ADAMTS19: variants seen among roughly 807,000 people sequenced by gnomAD.
ADAMTS19 encodes the protein ADAM metallopeptidase with thrombospondin type 1 motif 19.
Under a neutral mutation model 153.3 loss-of-function variants are expected in ADAMTS19, and 93 were observed. That is an observed-to-expected ratio of 0.61 (90% CI 0.51 to 0.72). The LOEUF is 0.72. ADAMTS19 is among the 30% of genes least tolerant of loss of function. The pLI, the probability that ADAMTS19 is intolerant of heterozygous loss-of-function variation, is 0.00. For missense variants in ADAMTS19, 1,482 were observed against 1,552.1 expected, an observed-to-expected ratio of 0.95 and a Z score of 0.76; for synonymous variants, 600 against 556.6, an observed-to-expected ratio of 1.08 and a Z score of -1.10.
chr5:129,716,956 G>C (rs967875637), intron 21 of ADAMTS19, among the ~76,000 whole-genome samples: 1 of 152,142 alleles, frequency 6.6e-6, no homozygotes, highest in Non-Finnish European at 1.5e-5. Flanking sequence ...TTTCCACTAA[G>C]CTCACGCCTG....
At chr5:129,493,423 T>C (rs2126695034) in intron 2 of ADAMTS19, among the ~76,000 whole-genome samples, 1 of 118,476 alleles carries the variant, frequency 8.4e-6, no homozygotes, top group African/African-American at 4.1e-5. Flanking sequence ...ATCATATGTA[T>C]ACCAAATGTT....
chr5:129,666,563 A>G (rs2127085208), intron 16 of ADAMTS19, among the ~76,000 whole-genome samples: 1 of 152,248 alleles, frequency 6.6e-6, no homozygotes, highest in South Asian at 2.1e-4. Context: ...CTCAGATTGA[A>G]TTTTTTTCAA....
intron 7 of ADAMTS19, among the ~76,000 whole-genome samples, chr5:129,568,887 A>C (rs972738096): frequency 6.6e-6 from 1 of 152,046 alleles, no homozygotes; most frequent in African/African-American, 2.4e-5. Context: ...AATAGAAGTC[A>C]GGAAAGGATA....
At chr5:129,650,488 G>A (rs1753269318) in intron 13 of ADAMTS19, among the ~76,000 whole-genome samples, 1 of 152,018 alleles carries the variant, frequency 6.6e-6, no homozygotes. Flanking sequence ...TAGTGGTGGT[G>A]GGGGGAAATA....
chr5:129,461,269 C>A lies in ADAMTS19; in HGVS notation c.259C>A (p.Arg87Ser). Reference protein sequence around the residue: ...SARAQAAGSSREVRSVAPVPL... With the variant: ...SARAQAAGSSSEVRSVAPVPL... ...CCGGGCGCAGGCTGCCGGCAGCTCA[C>A]GCGAGGTGCGCTCTGTGGCTCCGGT... The change falls in exon 2 of 23, where the codon CGC (arginine) becomes AGC (serine). Residue 87 changes from arginine (R) to serine (S), a missense_variant. This residue lies in a region of ADAMTS19 where 866 missense variants were observed against 827.7 expected (regional missense o/e 1.05). Coordinates refer to ENST00000274487, the MANE Select transcript of ADAMTS19 (RefSeq NM_133638.6). The surrounding 1 kb of genome is among the most constrained non-coding windows in gnomAD (Gnocchi z 4.6). The A allele has an allele frequency of 7.9e-7, 1 of 1,273,264 alleles. No homozygotes were observed. The allele number at this position is 1,273,264 out of a possible 1,614,324, so 78.9% of individuals were successfully genotyped here.
rs547115578 is a variant in ADAMTS19, at chr5:129,712,510, A to G, written c.3312+8119A>G. On this transcript the variant is annotated intron_variant, in intron 21 of 22. Coordinates refer to ENST00000274487, the MANE Select transcript of ADAMTS19 (RefSeq NM_133638.6). ...GCTACTCACCATTATATCTGGAGAAACCATGCAAAATTTCCTAAACAATGA... is the reference window on the plus strand; with the variant it reads ...GCTACTCACCATTATATCTGGAGAAGCCATGCAAAATTTCCTAAACAATGA... Among the ~76,000 whole-genome samples, 4 of 152,286 alleles carry G rather than the reference A, an allele frequency of 2.6e-5. No homozygotes were observed. In the South Asian group the frequency reaches 8.3e-4, roughly 32 times the overall value.
At chr5:129,672,652 T>C (rs1376730381) in intron 16 of ADAMTS19, among the ~76,000 whole-genome samples, 2 of 152,172 alleles carry the variant, frequency 1.3e-5, no homozygotes, top group African/African-American at 4.8e-5. Flanking sequence ...TTAACCTTAG[T>C]ACTAAGTGGA....
At chr5:129,734,342 G>T (rs551915558) in intron 21 of ADAMTS19, among the ~76,000 whole-genome samples, 21 of 151,928 alleles carry the variant, frequency 1.4e-4, no homozygotes, top group Non-Finnish European at 2.7e-4. Context: ...GAGAAATTCA[G>T]ATTATCAAAT....
At chr5:129,729,511 A>G (rs772692530) in intron 21 of ADAMTS19, among the ~76,000 whole-genome samples, 1 of 151,902 alleles carries the variant, frequency 6.6e-6, no homozygotes, top group African/African-American at 2.4e-5. Flanking sequence ...AGGCTAAAAG[A>G]TTATTTATTT....
chr5:129,617,191 T>A (rs1489826221), intron 8 of ADAMTS19, among the ~76,000 whole-genome samples: 2 of 152,152 alleles, frequency 1.3e-5, no homozygotes, highest in African/African-American at 4.8e-5. Flanking sequence ...AGATGTGTGC[T>A]TAAAAAAGCC....
intron 20 of ADAMTS19, among the ~76,000 whole-genome samples, chr5:129,702,941 A>ATATATATATAT (rs1554108030): frequency 9.6e-4 from 28 of 29,266 alleles, no homozygotes; most frequent in African/African-American, 2.1e-3. Flanking sequence ...AAAAAAAAAA[A>ATATATATATAT]ATATATATAT....
At chr5:129,650,855 C>T (rs1336121527) in intron 13 of ADAMTS19, among the ~76,000 whole-genome samples, 1 of 152,188 alleles carries the variant, frequency 6.6e-6, no homozygotes. Flanking sequence ...AAAAGACCTG[C>T]CTATATCCCA....
chr5:129,694,874 C>G lies in ADAMTS19; in HGVS notation c.2954+19C>G. 1.3e-6 allele frequency: 2 copies of G among 1,540,896 alleles called. No homozygotes were observed. Among genetic ancestry groups the G allele is most frequent in the Non-Finnish European group, 1.8e-6 (2 of 1,141,826 alleles). On this transcript the variant is annotated intron_variant, in intron 19 of 22. Coordinates refer to ENST00000274487, the MANE Select transcript of ADAMTS19 (RefSeq NM_133638.6). ...AAACAAGGTAACTCTATTCCAAGGG[C>G]CCTTAAAGCATTATTTGTCCATTAG...
chr5:129,633,760 G>A (rs1357393273), intron 10 of ADAMTS19, among the ~76,000 whole-genome samples: 1 of 152,126 alleles, frequency 6.6e-6, no homozygotes, highest in Non-Finnish European at 1.5e-5. Context: ...GTAGGCAGCA[G>A]CTCATATCTT....
rs564330593 is a variant in ADAMTS19 at position 129,710,948 on chromosome 5, G to C, written c.3312+6557G>C. Among the ~76,000 whole-genome samples, 52 of 152,216 alleles carry C rather than the reference G, an allele frequency of 3.4e-4. No individual in the cohort carries two copies. In the South Asian group the frequency reaches 8.5e-3, roughly 25 times the overall value. On this transcript the variant is annotated intron_variant, in intron 21 of 22. Coordinates refer to ENST00000274487, the MANE Select transcript of ADAMTS19 (RefSeq NM_133638.6). ...TTACCAGAACCAAAAATTTTAAAGG[G>C]GGATTTCTTGCTGCCCCAGGGCTAG...
At chr5:129,609,333 C>G (rs995946471) in intron 8 of ADAMTS19, among the ~76,000 whole-genome samples, 1 of 152,092 alleles carries the variant, frequency 6.6e-6, no homozygotes, top group African/African-American at 2.4e-5. Flanking sequence ...TTTCAAGATT[C>G]ATTGTTAGGG....
chr5:129,699,161 C>A (rs1371686909), intron 19 of ADAMTS19, among the ~76,000 whole-genome samples: 1 of 152,118 alleles, frequency 6.6e-6, no homozygotes, highest in Non-Finnish European at 1.5e-5. Flanking sequence ...ATGGCTCATG[C>A]CTGTAATCCC....
rs1318904524 is a variant in ADAMTS19 at position 129,560,294 on chromosome 5, CT to C, written c.1372+8395del. Among the ~76,000 whole-genome samples the C allele has an allele frequency of 4.6e-5, 7 of 152,036 alleles. No homozygotes were observed. In the East Asian group the frequency reaches 1.2e-3, roughly 25 times the overall value. On this transcript the variant is annotated intron_variant, in intron 7 of 22. Coordinates refer to ENST00000274487, the MANE Select transcript of ADAMTS19 (RefSeq NM_133638.6). The stretch of plus-strand genomic sequence containing the variant: ...AAGTAGACAAGTTTTCATGCTATAA[CT>C]TTTTTTTAGGGAGCAGGTTGTTTTT...
intron 7 of ADAMTS19, among the ~76,000 whole-genome samples, chr5:129,567,970 A>C (rs573757538): frequency 5.9e-4 from 90 of 152,170 alleles, no homozygotes; most frequent in Non-Finnish European, 1.1e-3. Flanking sequence ...CCGATTTCTC[A>C]TGACAAACCA....
Sources: allele counts gnomAD v4.1 joint callset (sites outside exome capture counted in the v4.1 genomes callset), GRCh38; gene constraint gnomAD v4.1.1; regional missense constraint gnomAD v4.1.1; non-coding constraint Gnocchi (gnomAD v3.1); transcripts MANE v1.5; gene names NCBI Gene and HGNC (gene_info 2026-07-23, HGNC 2026-07-21).